GARRE1: variants seen among roughly 807,000 people sequenced by gnomAD.
GARRE1 encodes granule associated Rac and RHOG effector 1, also known as granule associated Rac and RHOG effector protein 1.
Under a neutral mutation model 103.2 loss-of-function variants are expected in GARRE1, and 49 were observed. The ratio of observed to expected loss-of-function variants is 0.47; its 90% CI spans 0.38 to 0.60. The LOEUF (loss-of-function observed/expected upper bound fraction) is 0.60, where lower values mean the gene tolerates loss of function less well. Among genes scored for constraint, GARRE1 ranks in the 20% least tolerant of loss-of-function variants. The probability of loss-of-function intolerance (pLI) is 0.00; values close to 1 mark genes in which losing one functional copy is unlikely to be tolerated. For missense variants in GARRE1, 1,199 were observed against 1,370.5 expected, an observed-to-expected ratio of 0.87 and a Z score of 1.98; for synonymous variants, 505 against 532.8, an observed-to-expected ratio of 0.95 and a Z score of 0.72.
chr19:34,288,761 A>G (rs1278693562), intron 1 of GARRE1, among the ~76,000 whole-genome samples: 3 of 152,248 alleles, frequency 2.0e-5, no homozygotes, highest in Admixed American at 6.5e-5. Flanking sequence ...TAGGGCAACC[A>G]TGGGAGACAT....
chr19:34,302,291 C>CG, intron 2 of GARRE1, among the ~76,000 whole-genome samples: 1 of 74,558 alleles, frequency 1.3e-5, no homozygotes, highest in East Asian at 2.7e-4. Context: ...CGCGCCCAGC[C>CG]GTTTTTTTTT....
intron 1 of GARRE1, among the ~76,000 whole-genome samples, chr19:34,261,283 T>C (rs2073716739): frequency 6.6e-6 from 1 of 152,182 alleles, no homozygotes; most frequent in Non-Finnish European, 1.5e-5. Flanking sequence ...GTAGCACCTT[T>C]CTCTTAGTGT....
At chr19:34,308,956 C>T (rs1235431687) in intron 2 of GARRE1, among the ~76,000 whole-genome samples, 2 of 151,978 alleles carry the variant, frequency 1.3e-5, no homozygotes, top group African/African-American at 4.8e-5. Context: ...CTTCCGCACC[C>T]AAATCTCATT....
intron 11 of GARRE1, 76 bp from the exon 12 acceptor site, chr19:34,348,940 A>G: frequency 1.3e-6 from 2 of 1,557,304 alleles, no homozygotes; most frequent in Non-Finnish European, 8.7e-7. Context: ...CAGGGTAAGG[A>G]CTGCCCTTTC....
At chr19:34,304,929 C>T (rs1032639226) in intron 2 of GARRE1, among the ~76,000 whole-genome samples, 13 of 151,654 alleles carry the variant, frequency 8.6e-5, no homozygotes, top group Non-Finnish European at 1.9e-4. Context: ...GTAGCTTGGA[C>T]TGCAGGCGCC....
intron 2 of GARRE1, among the ~76,000 whole-genome samples, chr19:34,302,269 G>A (rs954192506): frequency 5.3e-5 from 8 of 149,592 alleles, no homozygotes; most frequent in African/African-American, 2.0e-4. Context: ...TGGGATTACA[G>A]GCAGGAGCCA....
At position 34,351,510 on chromosome 19, in the gene GARRE1, G is replaced by A. The variant is rs764896525; in HGVS notation, c.2826-4G>A. The A allele has an allele frequency of 1.2e-6, 2 of 1,613,118 alleles. No homozygotes were observed. Among genetic ancestry groups the A allele is most frequent in the East Asian group, 4.5e-5 (2 of 44,876 alleles). Reference sequence around the variant, plus strand: ...TCACTGCCCTGAGCTCTTGGTTCTTGCAGGAAACACAGCAGTGGAGAGCAA... The same window carrying A: ...TCACTGCCCTGAGCTCTTGGTTCTTACAGGAAACACAGCAGTGGAGAGCAA... On this transcript the variant is annotated splice_polypyrimidine_tract_variant and splice_region_variant and intron_variant, in intron 12 of 13. Transcript: ENST00000299505.
At chr19:34,292,743 T>A (rs376838412) in intron 1 of GARRE1, among the ~76,000 whole-genome samples, 2 of 10,488 alleles carry the variant, frequency 1.9e-4, no homozygotes, top group African/African-American at 6.3e-4. Flanking sequence ...CCCAGCTAAA[T>A]TTTTTTTTTT....
chr19:34,298,857 T>C (rs1229182237), intron 1 of GARRE1, among the ~76,000 whole-genome samples: 1 of 152,218 alleles, frequency 6.6e-6, no homozygotes, highest in African/African-American at 2.4e-5. Flanking sequence ...TCCGCTGTTG[T>C]AGGTATCAGA....
intron 9 of GARRE1, 176 bp from the exon 10 acceptor site, chr19:34,341,244 CTG>C: frequency 1.7e-6 from 1 of 596,942 alleles, no homozygotes. Context: ...GCGTTAGACA[CTG>C]TAGATTTCAT....
chr19:34,348,491 C>G (rs1049324018), intron 11 of GARRE1: 1 of 156,254 alleles, frequency 6.4e-6, no homozygotes, highest in East Asian at 1.9e-4. Flanking sequence ...ATTGTAAAGA[C>G]AACTGGGGAT....
At chr19:34,344,512 A>G (rs1344559290) in intron 10 of GARRE1, among the ~76,000 whole-genome samples, 6 of 146,598 alleles carry the variant, frequency 4.1e-5, no homozygotes, top group African/African-American at 1.5e-4. Context: ...AATGGCGTGA[A>G]CCCGGGAGGC....
In GARRE1 at chr19:34,342,217, C is replaced by A; in HGVS notation, c.2283C>A (p.Ser761=). 2 of 1,614,226 alleles carry A rather than the reference C, an allele frequency of 1.2e-6. No homozygotes were observed. The highest frequency in any genetic ancestry group is 1.7e-6 in the Non-Finnish European group (2 of 1,180,050). ...RAPGKWVHGS[S]QQPAQAVGAG... is the part of the protein sequence containing the mutation. Reference sequence around the variant, plus strand: ...CTGGGAAATGGGTACATGGCTCATCCCAGCAGCCAGCGCAGGCTGTTGGAG... The same window carrying A: ...CTGGGAAATGGGTACATGGCTCATCACAGCAGCCAGCGCAGGCTGTTGGAG... Residue 761 remains serine (S), a synonymous_variant, in exon 10 of 14, where the codon TCC becomes TCA. Coordinates refer to ENST00000299505, the MANE Select transcript of GARRE1 (RefSeq NM_014686.5).
rs536660159 is a variant in GARRE1, at chr19:34,286,748, G to T, written c.-795-12931G>T. Among the ~76,000 whole-genome samples the T allele has an allele frequency of 2.7e-5, 4 of 148,368 alleles. No homozygotes were observed. In the South Asian group the frequency reaches 8.6e-4, roughly 32 times the overall value. On this transcript the variant is annotated intron_variant, in intron 1 of 13. Transcript: ENST00000299505. ...GATCTCCTGACCTCGTGATCCGCCC[G>T]CCTCGGCCTCCCAAAGTGCTGGGAT...
chr19:34,255,999 C>T (rs904352046), intron 1 of GARRE1, among the ~76,000 whole-genome samples: 13 of 151,586 alleles, frequency 8.6e-5, no homozygotes, highest in East Asian at 3.9e-4. Flanking sequence ...CCACCACGCC[C>T]GGCTAATTTT....
chr19:34,351,738 G>A (rs545036358), intron 13 of GARRE1, 146 bp downstream of exon 13: 1 of 653,656 alleles, frequency 1.5e-6, no homozygotes, highest in Admixed American at 2.2e-5. Flanking sequence ...AGAGCCACAG[G>A]AAGCTCTACG....
rs755800148 is a variant in GARRE1 at position 34,300,963 on chromosome 19, A to C, written c.490A>C (p.Ile164Leu). The change falls in exon 2 of 14, where the codon ATT (isoleucine) becomes CTT (leucine). Residue 164 changes from isoleucine (I) to leucine (L), a missense_variant. Transcript: ENST00000299505. ...TCAGAAGGAATTCAGTCTCCAGGAC[A>C]TTGAGGTAGAGTATCTTTTGTGTCA... Reference protein sequence around the residue: ...TDQKEFSLQDIEVLGRCFLTV... With the variant: ...TDQKEFSLQDLEVLGRCFLTV... The C allele has an allele frequency of 1.3e-6, 2 of 1,596,740 alleles. No individual in the cohort carries two copies. The highest frequency in any genetic ancestry group is 2.2e-5 in the East Asian group (1 of 44,774).
intron 10 of GARRE1, among the ~76,000 whole-genome samples, chr19:34,347,654 T>C (rs568692193): frequency 6.6e-6 from 1 of 152,364 alleles, no homozygotes; most frequent in African/African-American, 2.4e-5. Flanking sequence ...TAGCCCTTCA[T>C]GACAGCCCTG....
At chr19:34,322,920 C>A (rs566443788) in intron 3 of GARRE1, among the ~76,000 whole-genome samples, 1 of 149,742 alleles carries the variant, frequency 6.7e-6, no homozygotes, top group Non-Finnish European at 1.5e-5. Context: ...TCCCAGCAGG[C>A]AAACACAGAT....
Sources: gnomAD v4.1 joint callset for allele counts (sites outside exome capture counted in the v4.1 genomes callset) on GRCh38, gnomAD v4.1.1 for gene constraint, MANE v1.5 for transcripts, NCBI Gene and HGNC (gene_info 2026-07-23, HGNC 2026-07-21) for gene names.